Variants in PLA2G2F observed in about 807,000 individuals in gnomAD.
The protein encoded by PLA2G2F is phospholipase A2 group IIF, also known as group IIF secretory phospholipase A2.
Under a neutral mutation model 15.9 loss-of-function variants are expected in PLA2G2F, and 17 were observed. The observed-to-expected ratio is 1.07, with a 90% CI of 0.73 to 1.60. The LOEUF (loss-of-function observed/expected upper bound fraction) is 1.60. PLA2G2F is among the 40% of genes most tolerant of loss of function. PLA2G2F has a pLI of 0.00. For missense variants in PLA2G2F, 299 were observed against 278.2 expected (o/e 1.07, Z -0.53); for synonymous variants, 119 against 106.5 (o/e 1.12, Z -0.72).
At position 20,150,173 on chromosome 1, in the gene PLA2G2F, C is replaced by A. The variant is rs917948396; in HGVS notation, c.*1772C>A. ...GCCATGGTTCTCCGGCTTGGGGGAA[C>A]GCAGGTTCCCAGCTGCGCCCCTCCC... On this transcript the variant is annotated 3_prime_UTR_variant, in exon 5 of 5. Transcript: ENST00000375102. 1 of 152,070 alleles carries A rather than the reference C, an allele frequency of 6.6e-6. No individual in the cohort carries two copies. Among genetic ancestry groups the A allele is most frequent in the African/African-American group, 2.4e-5 (1 of 41,312 alleles). The allele number at this position is 152,070 out of a possible 1,614,324, so 9.4% of individuals were successfully genotyped here. A position where few individuals can be genotyped will look rare whatever the true frequency, so the allele number is the denominator to read the frequency against.
chr1:20,139,521 T>C lies in PLA2G2F; in HGVS notation c.94T>C (p.Ser32Pro), dbSNP rs1256580378. Residue 32 changes from serine (S) to proline (P), a missense_variant, in exon 1 of 5, where the codon TCC (serine) becomes CCC (proline). Coordinates refer to ENST00000375102, the MANE Select transcript of PLA2G2F (RefSeq NM_022819.4). ...GTGGAGGGGCCCACGCTTCGGGGCC[T>C]CCTGTCCTTCAAGAACCTCCAGGTA... ...SGWRGPRFGA[S>P]CPSRTSRSSL... The C allele has an allele frequency of 1.9e-6, 3 of 1,555,796 alleles. No homozygotes were observed. The highest frequency in any genetic ancestry group is 2.6e-6 in the Non-Finnish European group (3 of 1,150,162).
intron 4 of PLA2G2F, among the ~76,000 whole-genome samples, chr1:20,147,028 C>T (rs921534439): frequency 8.5e-5 from 13 of 152,128 alleles, no homozygotes; most frequent in Non-Finnish European, 1.3e-4. Flanking sequence ...CTTCTGGGGC[C>T]GTCTGATGCA....
Position 20,139,493 on chromosome 1 carries a change from T to C in PLA2G2F, c.66T>C (p.Ser22=). 6.3e-7 allele frequency: 1 copy of C among 1,581,912 alleles called. No homozygotes were observed. ...FKKKVLDRCF[S]GWRGPRFGAS... ...AGAAGGTGCTGGATAGATGCTTCTC[T>C]GGGTGGAGGGGCCCACGCTTCGGGG... is the stretch of plus-strand genomic sequence containing the variant. Residue 22 remains serine, a synonymous_variant, in exon 1 of 5, where the codon TCT becomes TCC. Coordinates refer to ENST00000375102, the MANE Select transcript of PLA2G2F (RefSeq NM_022819.4).
At chr1:20,140,100 C>T in intron 1 of PLA2G2F, 66 bp from the exon 2 acceptor site, 1 of 1,529,364 alleles carries the variant, frequency 6.5e-7, no homozygotes. Context: ...AGGAAGGGAG[C>T]AGCAGGTCCA....
Position 20,139,554 on chromosome 1 carries a change from G to A in PLA2G2F, c.116+11G>A, listed in dbSNP as rs1264614961. ...TTCAAGAACCTCCAGGTAGGTGCCT[G>A]TTGCCCTGAGATGGAATCCTCCAGG... On this transcript the variant is annotated intron_variant, in intron 1 of 4. Transcript: ENST00000375102. 3 of 1,489,974 alleles carry A rather than the reference G, an allele frequency of 2.0e-6. No homozygotes were observed. The highest frequency in any genetic ancestry group is 1.4e-5 in the African/African-American group (1 of 70,822). 92.3% of individuals were successfully genotyped at this position (1,489,974 alleles called of 1,614,324 possible). A position where few individuals can be genotyped will look rare whatever the true frequency, so the allele number is the denominator to read the frequency against.
chr1:20,148,400 AG>A lies in PLA2G2F; in HGVS notation c.636del (p.Ter212=). The part of the protein sequence containing the change: ...HQSPAPPAPP[*>X] ...TCCCCAGCGCCCCCCGCCCCTCCCT[AG>A]AGCCTCTGAGGTTTGAGAGAGAGAG... On this transcript the variant is annotated frameshift_variant and stop_lost, in exon 5 of 5. Coordinates refer to ENST00000375102, the MANE Select transcript of PLA2G2F (RefSeq NM_022819.4). LOFTEE classifies it high-confidence loss of function. 6.2e-7 allele frequency: 1 copy of A among 1,608,262 alleles called. No homozygotes were observed. The highest frequency in any genetic ancestry group is 1.3e-5 in the African/African-American group (1 of 74,886).
Position 20,148,456 on chromosome 1 carries a change from C to A in PLA2G2F, c.*55C>A. On this transcript the variant is annotated 3_prime_UTR_variant, in exon 5 of 5. Transcript: ENST00000375102. The stretch of plus-strand genomic sequence containing the variant: ...AGGAGGGTCTGGCTTGGGGACCAGA[C>A]GAGGTGCAGGGAGGGTAGGAGCCAG... The A allele has an allele frequency of 3.4e-6, 5 of 1,477,192 alleles. No individual in the cohort carries two copies. The highest frequency in any genetic ancestry group is 4.7e-6 in the Non-Finnish European group (5 of 1,064,734). The allele number at this position is 1,477,192 out of a possible 1,614,324, so 91.5% of individuals were successfully genotyped here. A position where few individuals can be genotyped will look rare whatever the true frequency, so the allele number is the denominator to read the frequency against.
At chr1:20,144,742 A>G in intron 4 of PLA2G2F, 53 bp downstream of exon 4, 2 of 1,414,682 alleles carry the variant, frequency 1.4e-6, no homozygotes, top group Non-Finnish European at 2.0e-6. Flanking sequence ...GGCTGGCTCT[A>G]CCAGCCTGTG....
intron 1 of PLA2G2F, 133 bp downstream of exon 1, chr1:20,139,676 C>G (rs780672045): frequency 4.4e-6 from 3 of 688,122 alleles, no homozygotes; most frequent in Non-Finnish European, 7.0e-6. Flanking sequence ...ATTTAGTCAA[C>G]CTTCACGTGG....
intron 2 of PLA2G2F, chr1:20,142,857 A>T (rs28445396): frequency 1.3e-5 from 2 of 152,508 alleles, no homozygotes; most frequent in Non-Finnish European, 2.9e-5. Flanking sequence ...GAGACCAGGA[A>T]GGGACCCAGA....
At chr1:20,143,703 C>T in intron 3 of PLA2G2F, 113 bp downstream of exon 3, 1 of 1,348,022 alleles carries the variant, frequency 7.4e-7, no homozygotes, top group Admixed American at 2.4e-5. Flanking sequence ...CCAAAGGATC[C>T]AGCTTCTTTG....
chr1:20,145,639 G>T (rs1167317621), intron 4 of PLA2G2F, among the ~76,000 whole-genome samples: 1 of 150,016 alleles, frequency 6.7e-6, no homozygotes, highest in African/African-American at 2.5e-5. Context: ...TTAAGACAGG[G>T]CCTTGCTCTG....
At chr1:20,145,757 G>C (rs1215222313) in intron 4 of PLA2G2F, among the ~76,000 whole-genome samples, 1 of 152,030 alleles carries the variant, frequency 6.6e-6, no homozygotes, top group African/African-American at 2.4e-5. Flanking sequence ...TTACAGGCCA[G>C]TGCCAACATG....
At chr1:20,147,653 T>C (rs1368881468) in intron 4 of PLA2G2F, among the ~76,000 whole-genome samples, 1 of 152,114 alleles carries the variant, frequency 6.6e-6, no homozygotes, top group Non-Finnish European at 1.5e-5. Context: ...TTTCATCATG[T>C]TGGCCAGGCT....
Position 20,139,358 on chromosome 1 carries a change from T to C in PLA2G2F, c.-70T>C, listed in dbSNP as rs570300514. 4.9e-6 allele frequency: 6 copies of C among 1,220,260 alleles called. No homozygotes were observed. The highest frequency in any genetic ancestry group is 2.0e-4 in the Middle Eastern group (1 of 4,976). The allele number at this position is 1,220,260 out of a possible 1,614,324, so 75.6% of individuals were successfully genotyped here. ...GAGGCAGCGTGAAGCTGGGGCCTGC[T>C]CCCCGCAGCCTCTGGAGCGCATCTC... On this transcript the variant is annotated 5_prime_UTR_variant, in exon 1 of 5. Coordinates refer to ENST00000375102, the MANE Select transcript of PLA2G2F (RefSeq NM_022819.4).
chr1:20,148,073 A>G, intron 4 of PLA2G2F, 117 bp from the exon 5 acceptor site: 1 of 848,818 alleles, frequency 1.2e-6, no homozygotes, highest in Non-Finnish European at 2.0e-6. Flanking sequence ...CGCCCAGGTA[A>G]CACATTCCAA....
Position 20,139,409 on chromosome 1 carries a change from G to GC in PLA2G2F, c.-13dup, listed in dbSNP as rs753837629. The stretch of plus-strand genomic sequence containing the variant: ...AGACCTTCTGAGACCTATGTTGCTG[G>GC]CCCCCCAGAACCCGCAACATGGCAG... On this transcript the variant is annotated 5_prime_UTR_variant, in exon 1 of 5. Coordinates refer to ENST00000375102, the MANE Select transcript of PLA2G2F (RefSeq NM_022819.4). The GC allele has an allele frequency of 1.5e-4, 234 of 1,538,684 alleles. No individual in the cohort carries two copies. Among genetic ancestry groups the GC allele is most frequent in the Non-Finnish European group, 1.9e-4 (219 of 1,134,970 alleles).
At chr1:20,146,077 T>C (rs1338534181) in intron 4 of PLA2G2F, among the ~76,000 whole-genome samples, 2 of 152,252 alleles carry the variant, frequency 1.3e-5, no homozygotes, top group Non-Finnish European at 2.9e-5. Flanking sequence ...TTCTGGGTGA[T>C]TCTGATTCCG....
intron 3 of PLA2G2F, 39 bp downstream of exon 3, chr1:20,143,629 T>G (rs769873104): frequency 3.7e-6 from 6 of 1,603,088 alleles, no homozygotes; most frequent in Non-Finnish European, 5.1e-6. Context: ...AGGGGCCAAA[T>G]GAGGACAGCT....
Sources: gnomAD v4.1 joint callset for allele counts (sites outside exome capture counted in the v4.1 genomes callset) on GRCh38, gnomAD v4.1.1 for gene constraint, MANE v1.5 for transcripts, NCBI Gene and HGNC (gene_info 2026-07-23, HGNC 2026-07-21) for gene names.